Variants in FLNB observed in about 807,000 individuals in gnomAD.
FLNB encodes the protein filamin-B.
Under a neutral mutation model 250.6 loss-of-function variants are expected in FLNB, and 111 were observed. The observed-to-expected ratio is 0.44, with a 90% CI of 0.38 to 0.52. The LOEUF is 0.52. FLNB is among the 20% of genes least tolerant of loss of function. FLNB has a pLI of 0.00. For synonymous variants in FLNB, 1,302 were observed against 1,372.1 expected, an observed-to-expected ratio of 0.95 and a Z score of 1.13; for missense variants, 2,869 against 3,447.8, an observed-to-expected ratio of 0.83 and a Z score of 4.20.
At chr3:58,123,786 G>A (rs1262581892) in intron 21 of FLNB, 96 bp downstream of exon 21, 9 of 1,041,302 alleles carry the variant, frequency 8.6e-6, no homozygotes, top group Non-Finnish European at 1.3e-5. Context: ...CCACCTGCAG[G>A]AGCCAGGTGA....
At chr3:58,071,692 C>T (rs2097194832) in intron 1 of FLNB, among the ~76,000 whole-genome samples, 1 of 152,170 alleles carries the variant, frequency 6.6e-6, no homozygotes, top group African/African-American at 2.4e-5. Flanking sequence ...GGAATAGTGT[C>T]TGTCCATGCC....
intron 1 of FLNB, among the ~76,000 whole-genome samples, chr3:58,076,624 T>G (rs1329232718): frequency 2.6e-5 from 4 of 151,266 alleles, no homozygotes; most frequent in Admixed American, 2.0e-4. Context: ...TCGGCTAATT[T>G]TTTTTTTTTT....
At chr3:58,029,573 C>T (rs6802104) in intron 1 of FLNB, among the ~76,000 whole-genome samples, 85,778 of 150,784 alleles carry the variant, frequency 0.57, 25,364 homozygotes, top group South Asian at 0.77. Context: ...GGCTCGATCT[C>T]GGCTCACTGC....
chr3:58,072,484 A>C lies in FLNB; in HGVS notation c.293-4562A>C, dbSNP rs531203245. On this transcript the variant is annotated intron_variant, in intron 1 of 45. Transcript: ENST00000295956. The stretch of plus-strand genomic sequence containing the variant: ...TTGCAGAGCACGTTCAGATCTGAAA[A>C]GTGTCTCATCTACGTGATGGTCAGA... Among the ~76,000 whole-genome samples the C allele has an allele frequency of 3.0e-4, 46 of 152,252 alleles. 2 individuals are homozygous for C. The South Asian group carries it at 9.3e-3, about 31-fold the overall frequency.
chr3:58,159,767 G>C, intron 42 of FLNB, 81 bp downstream of exon 42: 1 of 1,485,510 alleles, frequency 6.7e-7, no homozygotes. Context: ...CCCAAGGGAG[G>C]GCTGATCAGT....
intron 3 of FLNB, among the ~76,000 whole-genome samples, chr3:58,079,283 C>T (rs914310092): frequency 8.2e-5 from 12 of 146,528 alleles, no homozygotes; most frequent in African/African-American, 2.1e-4. Context: ...GATGGAGTCT[C>T]GCTTTGTCGC....
intron 1 of FLNB, among the ~76,000 whole-genome samples, chr3:58,021,770 T>C (rs1268333272): frequency 6.9e-6 from 1 of 145,214 alleles, no homozygotes; most frequent in Non-Finnish European, 1.5e-5. Context: ...CAACACCTTG[T>C]TTTTTTGTTT....
In FLNB at chr3:58,076,175, C is replaced by G. The variant is rs191297290; in HGVS notation, c.293-871C>G. Among the ~76,000 whole-genome samples, 3 of 152,236 alleles carry G rather than the reference C, an allele frequency of 2.0e-5. No homozygotes were observed. In the East Asian group the frequency reaches 5.8e-4, roughly 29 times the overall value. The stretch of plus-strand genomic sequence containing the variant: ...TAACACCTAGCATTGGTGAGATTTG[C>G]AGGGATAACTAGCTGGCCTCTTAAA... On this transcript the variant is annotated intron_variant, in intron 1 of 45. Transcript: ENST00000295956.
intron 1 of FLNB, among the ~76,000 whole-genome samples, chr3:58,036,526 A>T (rs1306867712): frequency 2.0e-5 from 3 of 152,226 alleles, no homozygotes; most frequent in Non-Finnish European, 4.4e-5. Context: ...CCGCTCTGGG[A>T]GGTGTCAGCT....
rs749900657 is a variant in FLNB at position 58,081,732 on chromosome 3, T to C, written c.743T>C (p.Leu248Pro). The C allele has an allele frequency of 6.2e-7, 1 of 1,614,080 alleles. No homozygotes were observed. The highest frequency in any genetic ancestry group is 1.1e-5 in the South Asian group (1 of 91,076). ...PKAKLKPGAPLKPKLNPKKAR... is the reference protein window; with the variant it reads ...PKAKLKPGAPPKPKLNPKKAR... ...GCCAAGCTCAAGCCGGGGGCTCCTC[T>C]CAAACCCAAACTCAACCCGAAGAAA... is the stretch of plus-strand genomic sequence containing the variant. Residue 248 changes from leucine (L) to proline (P), a missense_variant, in exon 4 of 46, where the codon CTC (leucine) becomes CCC (proline). Leu to Pro is a moderately conservative substitution (Grantham distance 98, BLOSUM62 -3). Transcript: ENST00000295956.
At chr3:58,117,693 C>G in intron 18 of FLNB, among the ~76,000 whole-genome samples, 1 of 152,258 alleles carries the variant, frequency 6.6e-6, no homozygotes, top group South Asian at 2.1e-4. Flanking sequence ...CACATTTTAC[C>G]AGGAAATGTT....
intron 31 of FLNB, among the ~76,000 whole-genome samples, 193 bp from the exon 32 acceptor site, chr3:58,143,280 C>A (rs1344243899): frequency 6.7e-6 from 1 of 148,712 alleles, no homozygotes; most frequent in Non-Finnish European, 1.5e-5. Context: ...TTTGTGGAAG[C>A]CAAATGGAAC....
At chr3:58,080,687 T>C (rs1484905633) in intron 3 of FLNB, among the ~76,000 whole-genome samples, 1 of 150,756 alleles carries the variant, frequency 6.6e-6, no homozygotes, top group African/African-American at 2.4e-5. Context: ...AGAAATGGGG[T>C]TTCACCATGT....
chr3:58,147,482 G>A (rs2097337600), intron 34 of FLNB, among the ~76,000 whole-genome samples: 1 of 152,116 alleles, frequency 6.6e-6, no homozygotes, highest in Non-Finnish European at 1.5e-5. Context: ...CTGTGTTCAG[G>A]TTATGCTTTC....
In FLNB at chr3:58,123,382, C is replaced by A; in HGVS notation, c.3416C>A (p.Ser1139Ter). 1 of 1,614,166 alleles carries A rather than the reference C, an allele frequency of 6.2e-7. No homozygotes were observed. The highest frequency in any genetic ancestry group is 8.5e-7 in the Non-Finnish European group (1 of 1,180,018). ...MPFDPSKVVA[S>*]GPGLEHGKVG... ...TTTGACCCCTCTAAAGTCGTGGCAT[C>A]GGGGCCAGGTCTCGAGCACGGGAAG... Residue 1139 changes from serine to a stop codon, truncating the protein, a stop_gained, in exon 21 of 46, where the codon TCG (serine) becomes TAG (stop). Coordinates refer to ENST00000295956, the MANE Select transcript of FLNB (RefSeq NM_001457.4). LOFTEE classifies it high-confidence loss of function.
rs2097290825 is a variant in FLNB at position 58,122,514 on chromosome 3, T to G, written c.3127-579T>G. On this transcript the variant is annotated intron_variant, in intron 20 of 45. Transcript: ENST00000295956. ...TCCCCTCCAAAAAAAAAAAAAAAAG[T>G]TCATCGTCATTTCTTCATAGTAACC... 4.0e-5 allele frequency among the ~76,000 whole-genome samples: 6 copies of G among 151,284 alleles called. No homozygotes were observed. In the South Asian group the frequency reaches 1.3e-3, roughly 32 times the overall value.
chr3:58,051,507 A>C (rs568640902), intron 1 of FLNB, among the ~76,000 whole-genome samples: 1 of 152,212 alleles, frequency 6.6e-6, no homozygotes, highest in East Asian at 1.9e-4. Context: ...CTGCATGTGG[A>C]TAAAGGGTCG....
intron 1 of FLNB, among the ~76,000 whole-genome samples, chr3:58,021,732 T>A (rs937044074): frequency 6.6e-6 from 1 of 152,158 alleles, no homozygotes; most frequent in Non-Finnish European, 1.5e-5. Flanking sequence ...ACACCCAAAG[T>A]TGGGCATGAG....
At chr3:58,072,491 C>G (rs1255956011) in intron 1 of FLNB, among the ~76,000 whole-genome samples, 1 of 152,182 alleles carries the variant, frequency 6.6e-6, no homozygotes, top group Non-Finnish European at 1.5e-5. Context: ...AAAAGTGTCT[C>G]ATCTACGTGA....
Sources: allele counts gnomAD v4.1 joint callset (sites outside exome capture counted in the v4.1 genomes callset), GRCh38; gene constraint gnomAD v4.1.1; transcripts MANE v1.5; gene names NCBI Gene and HGNC (gene_info 2026-07-23, HGNC 2026-07-21).